ROCK1: variants seen among roughly 807,000 people sequenced by gnomAD.
The protein encoded by ROCK1 is Rho associated coiled-coil containing protein kinase 1, also known as rho-associated protein kinase 1.
ROCK1 carries 36 observed loss-of-function variants against 196.8 expected under a neutral mutation model. The observed-to-expected ratio is 0.18, with a 90% CI of 0.14 to 0.24. The LOEUF is 0.24. ROCK1 is among the 10% of genes least tolerant of loss of function. The probability of loss-of-function intolerance (pLI) is 1.00; values close to 1 mark genes in which losing one functional copy is unlikely to be tolerated. For synonymous variants in ROCK1, 443 were observed against 515.9 expected, an observed-to-expected ratio of 0.86 and a Z score of 1.91; for missense variants, 920 against 1,562.0, an observed-to-expected ratio of 0.59 and a Z score of 6.93.
intron 2 of ROCK1, among the ~76,000 whole-genome samples, chr18:21,069,041 T>C (rs1598551030): frequency 6.6e-6 from 1 of 152,242 alleles, no homozygotes; most frequent in East Asian, 1.9e-4. Flanking sequence ...TTTTCCAATC[T>C]TAGGGGAAAA....
rs547881532 is a variant in ROCK1, at chr18:21,077,066, C to A, written c.94-6453G>T. On this transcript the variant is annotated intron_variant, in intron 1 of 32. Transcript: ENST00000399799. Reference sequence around the variant, plus strand: ...TCGGCTCACTGCAAGCTCCGCTTCCCGGGTTCACGCCATTCTCCTGCCTCA... The same window carrying A: ...TCGGCTCACTGCAAGCTCCGCTTCCAGGGTTCACGCCATTCTCCTGCCTCA... Among the ~76,000 whole-genome samples the A allele has an allele frequency of 6.6e-5, 10 of 150,656 alleles. No individual in the cohort carries two copies. In the East Asian group the frequency reaches 2.0e-3, roughly 30 times the overall value.
At chr18:21,032,242 T>C (rs1165811921) in intron 9 of ROCK1, among the ~76,000 whole-genome samples, 1 of 152,234 alleles carries the variant, frequency 6.6e-6, no homozygotes, top group Non-Finnish European at 1.5e-5. Context: ...TAAAGGTAAC[T>C]ATTTAGATAA....
At chr18:21,087,217 T>A (rs1293541779) in intron 1 of ROCK1, among the ~76,000 whole-genome samples, 1 of 152,082 alleles carries the variant, frequency 6.6e-6, no homozygotes, top group Non-Finnish European at 1.5e-5. Context: ...AAAAGGGAAT[T>A]ACAATAAATG....
chr18:21,069,276 AACTT>A (rs2036363690), intron 2 of ROCK1, among the ~76,000 whole-genome samples: 2 of 152,022 alleles, frequency 1.3e-5, no homozygotes, highest in Non-Finnish European at 1.5e-5. Context: ...ATTTTATACT[AACTT>A]AGTAATCCTG....
At chr18:20,990,804 A>C (rs1310106491) in intron 18 of ROCK1, among the ~76,000 whole-genome samples, 1 of 149,754 alleles carries the variant, frequency 6.7e-6, no homozygotes, top group African/African-American at 2.5e-5. Context: ...TCTGTTGCCC[A>C]GGCTGGAGAA....
At chr18:21,000,075 G>A (rs903118631) in intron 16 of ROCK1, among the ~76,000 whole-genome samples, 14 of 152,212 alleles carry the variant, frequency 9.2e-5, no homozygotes, top group South Asian at 2.1e-4. Context: ...CCCTGAATAC[G>A]TAAAACATAC....
chr18:20,954,736 T>C, intron 31 of ROCK1, 47 bp downstream of exon 31: 1 of 1,533,448 alleles, frequency 6.5e-7, no homozygotes, highest in East Asian at 2.3e-5. Context: ...CATTGAGACT[T>C]AAAATTAAAT....
intron 1 of ROCK1, among the ~76,000 whole-genome samples, chr18:21,103,769 A>T (rs1446087440): frequency 6.6e-6 from 1 of 152,176 alleles, no homozygotes. Flanking sequence ...CACAAGAGAC[A>T]TCAGCAACTA....
At chr18:21,091,188 G>A (rs1251042025) in intron 1 of ROCK1, among the ~76,000 whole-genome samples, 2 of 151,638 alleles carry the variant, frequency 1.3e-5, no homozygotes, top group African/African-American at 2.4e-5. Flanking sequence ...TGAAGATAAC[G>A]AGGATGAAGA....
intron 2 of ROCK1, among the ~76,000 whole-genome samples, chr18:21,053,813 T>C (rs565441128): frequency 6.6e-6 from 1 of 152,218 alleles, no homozygotes; most frequent in South Asian, 2.1e-4. Context: ...CTCCTGCCTG[T>C]GTGACAGTCT....
At chr18:20,989,892 C>T (rs1272503652) in intron 18 of ROCK1, among the ~76,000 whole-genome samples, 1 of 151,902 alleles carries the variant, frequency 6.6e-6, no homozygotes, top group African/African-American at 2.4e-5. Flanking sequence ...AGAAACGGCA[C>T]AGGAAACTTA....
At chr18:20,994,648 C>T (rs2035655107) in intron 16 of ROCK1, among the ~76,000 whole-genome samples, 2 of 152,182 alleles carry the variant, frequency 1.3e-5, no homozygotes, top group South Asian at 4.1e-4. Context: ...CATGTAGAAG[C>T]AGCTTACTGC....
intron 16 of ROCK1, among the ~76,000 whole-genome samples, chr18:21,004,474 C>T (rs887152657): frequency 3.9e-5 from 6 of 152,148 alleles, no homozygotes; most frequent in South Asian, 2.1e-4. Flanking sequence ...CTTTTATTCA[C>T]GTTTAAGTTC....
chr18:20,971,051 A>G (rs2035421233), intron 22 of ROCK1, among the ~76,000 whole-genome samples: 1 of 152,130 alleles, frequency 6.6e-6, no homozygotes, highest in African/African-American at 2.4e-5. Flanking sequence ...CTACAAACTA[A>G]TCTGAGAATG....
chr18:21,020,764 A>C (rs140324401), intron 11 of ROCK1, among the ~76,000 whole-genome samples: 299 of 152,350 alleles, frequency 2.0e-3, no homozygotes, highest in Admixed American at 3.9e-3. Context: ...AGAAAGGCAG[A>C]AGAAAATATG....
chr18:20,971,388 G>A (rs1163035269), intron 22 of ROCK1, among the ~76,000 whole-genome samples: 1 of 149,010 alleles, frequency 6.7e-6, no homozygotes, highest in Non-Finnish European at 1.5e-5. Flanking sequence ...CTATTTACTT[G>A]AAGGTTTACT....
chr18:20,952,089 G>GA (rs541533058), intron 32 of ROCK1, among the ~76,000 whole-genome samples: 28 of 152,292 alleles, frequency 1.8e-4, no homozygotes, highest in African/African-American at 6.0e-4. Flanking sequence ...TTCTCTCCAA[G>GA]AAAGAGTTAA....
intron 1 of ROCK1, among the ~76,000 whole-genome samples, chr18:21,109,333 G>A (rs1424286443): frequency 6.6e-6 from 1 of 152,128 alleles, no homozygotes; most frequent in East Asian, 1.9e-4. Context: ...GAGGCCAGAA[G>A]ATGATTTAAA....
At chr18:21,099,307 T>C (rs1328325442) in intron 1 of ROCK1, among the ~76,000 whole-genome samples, 1 of 152,188 alleles carries the variant, frequency 6.6e-6, no homozygotes, top group East Asian at 1.9e-4. Flanking sequence ...TATGTGTATA[T>C]GGATACATAT....
Sources: gnomAD v4.1 joint callset for allele counts (sites outside exome capture counted in the v4.1 genomes callset) on GRCh38, gnomAD v4.1.1 for gene constraint, MANE v1.5 for transcripts, NCBI Gene and HGNC (gene_info 2026-07-23, HGNC 2026-07-21) for gene names.